CBFB: variants seen among roughly 807,000 people sequenced by gnomAD.
The protein encoded by CBFB is CBF-beta.
In CBFB, 9 loss-of-function variants were observed where a neutral mutation model predicts 30.4. The ratio of observed to expected loss-of-function variants is 0.30; its 90% CI spans 0.18 to 0.52. The LOEUF is 0.52. CBFB is among the 20% of genes least tolerant of loss of function. The probability of loss-of-function intolerance (pLI) is 0.97; values close to 1 mark genes in which losing one functional copy is unlikely to be tolerated. For missense variants in CBFB, 170 were observed against 244.0 expected, an observed-to-expected ratio of 0.70 and a Z score of 2.02; for synonymous variants, 94 against 84.0, an observed-to-expected ratio of 1.12 and a Z score of -0.65.
At chr16:67,067,253 G>A (rs939921694) in intron 4 of CBFB, among the ~76,000 whole-genome samples, 1 of 150,530 alleles carries the variant, frequency 6.6e-6, no homozygotes, top group Non-Finnish European at 1.5e-5. Flanking sequence ...GCTCACACCT[G>A]TAATCCCAGC....
At chr16:67,076,385 C>T (rs1435196865) in intron 4 of CBFB, among the ~76,000 whole-genome samples, 1 of 151,562 alleles carries the variant, frequency 6.6e-6, no homozygotes, top group Non-Finnish European at 1.5e-5. Context: ...CAGACTGCCT[C>T]AAAAAAATAA....
chr16:67,065,158 C>T (rs1961017712), intron 3 of CBFB, among the ~76,000 whole-genome samples: 1 of 152,206 alleles, frequency 6.6e-6, no homozygotes, highest in African/African-American at 2.4e-5. Context: ...CTTGGCCTCC[C>T]AAAGTGCCGG....
At chr16:67,075,197 A>ATG (rs57425666) in intron 4 of CBFB, among the ~76,000 whole-genome samples, 36 of 142,766 alleles carry the variant, frequency 2.5e-4, no homozygotes, top group Middle Eastern at 3.6e-3. Flanking sequence ...CTCAAAAAAA[A>ATG]TGTGTGTGTG....
intron 3 of CBFB, among the ~76,000 whole-genome samples, chr16:67,038,370 G>A (rs552416902): frequency 6.6e-6 from 1 of 151,598 alleles, no homozygotes; most frequent in East Asian, 1.9e-4. Flanking sequence ...ATACGTATAT[G>A]TGTGTATGTA....
At chr16:67,058,090 C>G (rs923925903) in intron 3 of CBFB, among the ~76,000 whole-genome samples, 6 of 152,188 alleles carry the variant, frequency 3.9e-5, no homozygotes, top group African/African-American at 1.4e-4. Context: ...TGTAGTCTTT[C>G]CAGTCATGAA....
chr16:67,065,459 T>G (rs947838094), intron 3 of CBFB, among the ~76,000 whole-genome samples: 1 of 152,262 alleles, frequency 6.6e-6, no homozygotes, highest in Non-Finnish European at 1.5e-5. Flanking sequence ...TTTTGTCATC[T>G]AAAGGTATTA....
intron 4 of CBFB, among the ~76,000 whole-genome samples, chr16:67,079,515 CTT>C (rs34164177): frequency 0.054 from 5,279 of 98,584 alleles, 130 homozygotes; most frequent in African/African-American, 0.17. Context: ...GGCCCTGGGT[CTT>C]TTTTTTTTTT....
intron 3 of CBFB, among the ~76,000 whole-genome samples, chr16:67,061,991 C>G (rs928677870): frequency 6.6e-6 from 1 of 152,048 alleles, no homozygotes; most frequent in Non-Finnish European, 1.5e-5. Flanking sequence ...GAGATCGCAC[C>G]ACTGCACTCC....
intron 5 of CBFB, among the ~76,000 whole-genome samples, chr16:67,092,162 A>G (rs1055575786): frequency 1.3e-5 from 2 of 151,070 alleles, no homozygotes. Flanking sequence ...ACTCCCACTT[A>G]TGAGTGTGAG....
rs951678940 is a variant in CBFB, at chr16:67,058,181, C to G, written c.283-8501C>G. Among the ~76,000 whole-genome samples the G allele has an allele frequency of 2.0e-5, 3 of 152,068 alleles. No individual in the cohort carries two copies. In the East Asian group the frequency reaches 5.8e-4, roughly 29 times the overall value. ...GTTGAGATGGAGTCTTGCTCTGTCGCCCAGGCTGGAGTGCAGTGGCACCAT... is the reference window on the plus strand; with the variant it reads ...GTTGAGATGGAGTCTTGCTCTGTCGGCCAGGCTGGAGTGCAGTGGCACCAT... On this transcript the variant is annotated intron_variant, in intron 3 of 5. Transcript: ENST00000412916.
At chr16:67,064,396 G>A (rs1347389496) in intron 3 of CBFB, among the ~76,000 whole-genome samples, 3 of 152,064 alleles carry the variant, frequency 2.0e-5, no homozygotes, top group Non-Finnish European at 4.4e-5. Flanking sequence ...TAGTAGAGAC[G>A]GGGTTTCACT....
chr16:67,076,789 C>T (rs994789354), intron 4 of CBFB, among the ~76,000 whole-genome samples: 1 of 152,162 alleles, frequency 6.6e-6, no homozygotes, highest in Admixed American at 6.6e-5. Flanking sequence ...CAAAACTTTA[C>T]TACAAAGACT....
intron 5 of CBFB, among the ~76,000 whole-genome samples, chr16:67,091,967 G>A (rs1306333848): frequency 6.6e-6 from 1 of 151,946 alleles, no homozygotes. Context: ...TCCACCTCCC[G>A]GGTTCAAGCG....
At chr16:67,095,972 A>T (rs1429866246) in intron 5 of CBFB, among the ~76,000 whole-genome samples, 2 of 151,014 alleles carry the variant, frequency 1.3e-5, no homozygotes, top group Non-Finnish European at 3.0e-5. Context: ...GATTACTGGC[A>T]TTGAGCCATT....
chr16:67,072,827 G>A (rs2145758383), intron 4 of CBFB, among the ~76,000 whole-genome samples: 1 of 151,620 alleles, frequency 6.6e-6, no homozygotes, highest in South Asian at 2.1e-4. Context: ...CCAGAGTGCA[G>A]TGGTACAATG....
chr16:67,061,474 T>A (rs1040726988), intron 3 of CBFB, among the ~76,000 whole-genome samples: 6 of 151,950 alleles, frequency 3.9e-5, no homozygotes, highest in African/African-American at 1.4e-4. Flanking sequence ...TTAAATGACA[T>A]TTTTTTTGAC....
chr16:67,030,056 T>C (rs1314886625), intron 2 of CBFB: 1 of 436,298 alleles, frequency 2.3e-6, no homozygotes, highest in African/African-American at 2.1e-5. Context: ...CGAGTGGAGC[T>C]CGAACCCGAG....
rs1403617830 is a variant in CBFB at position 67,088,441 on chromosome 16, G to T, written c.495+6133G>T. Among the ~76,000 whole-genome samples the T allele has an allele frequency of 2.0e-5, 3 of 152,124 alleles. No individual in the cohort carries two copies. The East Asian group carries it at 5.8e-4, about 29-fold the overall frequency. Reference sequence around the variant, plus strand: ...GAGTCTCCAAAAAATTAATTGACTTGCTCTCCCTCAAATATTTGGTTAATG... The same window carrying T: ...GAGTCTCCAAAAAATTAATTGACTTTCTCTCCCTCAAATATTTGGTTAATG... On this transcript the variant is annotated intron_variant, in intron 5 of 5. Transcript: ENST00000412916.
At chr16:67,079,516 T>G (rs540433834) in intron 4 of CBFB, among the ~76,000 whole-genome samples, 1 of 39,718 alleles carries the variant, frequency 2.5e-5, no homozygotes, top group African/African-American at 1.3e-4. Context: ...GCCCTGGGTC[T>G]TTTTTTTTTT....
Sources: gnomAD v4.1 joint callset for allele counts (sites outside exome capture counted in the v4.1 genomes callset) on GRCh38, gnomAD v4.1.1 for gene constraint, MANE v1.5 for transcripts, NCBI Gene and HGNC (gene_info 2026-07-23, HGNC 2026-07-21) for gene names.